CDH10: variants seen among roughly 807,000 people sequenced by gnomAD.
The protein encoded by CDH10 is cadherin 10.
A neutral mutation model predicts 73.1 loss-of-function variants in CDH10; 30 were observed. That is an observed-to-expected ratio of 0.41 (90% CI 0.31 to 0.56). The LOEUF (loss-of-function observed/expected upper bound fraction) is 0.56. CDH10 is among the 20% of genes least tolerant of loss of function. The pLI is 0.27. For synonymous variants in CDH10, 345 were observed against 348.2 expected (o/e 0.99, Z 0.10); for missense variants, 815 against 973.7 (o/e 0.84, Z 2.17).
At chr5:24,493,963 C>T (rs184433802) in intron 9 of CDH10, among the ~76,000 whole-genome samples, 271 of 151,930 alleles carry the variant, frequency 1.8e-3, no homozygotes, top group African/African-American at 6.0e-3. Context: ...TATTAGATTA[C>T]TTTTCTTTTA....
In CDH10 at chr5:24,593,308, A is replaced by G. The variant is rs767148939; in HGVS notation, c.183T>C (p.Phe61=). 1 of 1,612,590 alleles carries G rather than the reference A, an allele frequency of 6.2e-7. No individual in the cohort carries two copies. The highest frequency in any genetic ancestry group is 1.7e-5 in the Admixed American group (1 of 59,972). Residue 61 remains phenylalanine (F), a synonymous_variant, in exon 2 of 12, where the codon TTT becomes TTC. Transcript: ENST00000264463. ...ATCCTGTATATTCTTCAAGTAAGAA[A>G]AATTGATTCCACATCCAACCACGTT... The part of the protein sequence containing the change: ...RQKRGWMWNQ[F]FLLEEYTGSD...
intron 5 of CDH10, among the ~76,000 whole-genome samples, chr5:24,521,626 A>G (rs551407614): frequency 6.6e-6 from 1 of 152,304 alleles, no homozygotes; most frequent in East Asian, 1.9e-4. Flanking sequence ...AAAAAGAAAA[A>G]AAAATTAAAA....
chr5:24,619,254 C>T (rs756235047), intron 1 of CDH10, among the ~76,000 whole-genome samples: 7 of 151,854 alleles, frequency 4.6e-5, no homozygotes, highest in Admixed American at 1.3e-4. Context: ...AGTGCAGTGG[C>T]GCAATCTCGG....
chr5:24,530,312 T>G (rs1354515585), intron 5 of CDH10, among the ~76,000 whole-genome samples: 2 of 152,036 alleles, frequency 1.3e-5, no homozygotes, highest in Non-Finnish European at 2.9e-5. Context: ...GGATACTTTT[T>G]GTAAAACCTT....
intron 2 of CDH10, among the ~76,000 whole-genome samples, chr5:24,552,289 T>C (rs1018539247): frequency 6.6e-6 from 1 of 152,082 alleles, no homozygotes; most frequent in Non-Finnish European, 1.5e-5. Flanking sequence ...ATTCTTTTTA[T>C]GGGAATAATC....
chr5:24,535,879 A>T, intron 3 of CDH10, 57 bp from the exon 4 acceptor site: 2 of 1,360,388 alleles, frequency 1.5e-6, no homozygotes, highest in Non-Finnish European at 2.0e-6. Context: ...GAGCAAAAGC[A>T]CTGGTTTTCA....
intron 2 of CDH10, among the ~76,000 whole-genome samples, chr5:24,557,195 GT>G (rs201105617): frequency 5.0e-5 from 3 of 60,128 alleles, no homozygotes; most frequent in African/African-American, 1.3e-4. Flanking sequence ...ATTAACATCA[GT>G]TTTTTTTAAT....
At chr5:24,494,616 A>T (rs994249694) in intron 9 of CDH10, among the ~76,000 whole-genome samples, 1 of 152,044 alleles carries the variant, frequency 6.6e-6, no homozygotes, top group African/African-American at 2.4e-5. Context: ...ATAAATTTAC[A>T]AAGTATAATT....
At chr5:24,495,906 C>G (rs899958007) in intron 9 of CDH10, among the ~76,000 whole-genome samples, 1 of 151,298 alleles carries the variant, frequency 6.6e-6, no homozygotes, top group African/African-American at 2.4e-5. Context: ...ACCCTTGAAC[C>G]CTTTTCAGTT....
Position 24,584,445 on chromosome 5 carries a change from C to CTTTTTTTTTTTTTTTTTTTTTTTTTTTT in CDH10, c.231+8814_231+8815insAAAAAAAAAAAAAAAAAAAAAAAAAAAA, listed in dbSNP as rs34192671. On this transcript the variant is annotated intron_variant, in intron 2 of 11. Coordinates refer to ENST00000264463, the MANE Select transcript of CDH10 (RefSeq NM_006727.5). Reference sequence around the variant, plus strand: ...GTTCACGTTCACATCCTTTCTTTTCCTTTTTTTTTTTTTTTTTTTTGTGTG... The same window carrying CTTTTTTTTTTTTTTTTTTTTTTTTTTTT: ...GTTCACGTTCACATCCTTTCTTTTCCTTTTTTTTTTTTTTTTTTTTTTTTTTTTTTTTTTTTTTTTTTTTTTTTGTGTG... 7.1e-5 allele frequency among the ~76,000 whole-genome samples: 2 copies of CTTTTTTTTTTTTTTTTTTTTTTTTTTTT among 28,080 alleles called. 1 individual carries two copies. 18.4% of individuals were successfully genotyped at this position (28,080 alleles called of 152,430 possible). A position where few individuals can be genotyped will look rare whatever the true frequency, so the allele number is the denominator to read the frequency against.
chr5:24,613,752 G>A (rs1043737607), intron 1 of CDH10, among the ~76,000 whole-genome samples: 1 of 151,984 alleles, frequency 6.6e-6, no homozygotes, highest in Non-Finnish European at 1.5e-5. Context: ...TCTGTGGTAC[G>A]GATAAAATAT....
intron 11 of CDH10, 56 bp from the exon 12 acceptor site, chr5:24,488,209 G>A (rs2111614601): frequency 7.2e-7 from 1 of 1,381,032 alleles, no homozygotes; most frequent in African/African-American, 1.5e-5. Flanking sequence ...TATAAATAAC[G>A]AGTGGAAATA....
chr5:24,626,571 T>C (rs1747507207), intron 1 of CDH10, among the ~76,000 whole-genome samples: 1 of 152,060 alleles, frequency 6.6e-6, no homozygotes, highest in Non-Finnish European at 1.5e-5. Context: ...AACACTATTT[T>C]ATATCATAAC....
At chr5:24,605,354 T>C (rs1346316255) in intron 1 of CDH10, among the ~76,000 whole-genome samples, 1 of 152,144 alleles carries the variant, frequency 6.6e-6, no homozygotes, top group Non-Finnish European at 1.5e-5. Flanking sequence ...CAATCAGCAG[T>C]AGAGGGAGGG....
chr5:24,520,273 T>A (rs760953349), intron 5 of CDH10, among the ~76,000 whole-genome samples: 6 of 152,018 alleles, frequency 3.9e-5, no homozygotes, highest in African/African-American at 7.3e-5. Flanking sequence ...TAATCACACA[T>A]CTCAATGTAA....
intron 2 of CDH10, among the ~76,000 whole-genome samples, chr5:24,543,870 T>G (rs763945105): frequency 6.6e-6 from 1 of 152,102 alleles, no homozygotes; most frequent in Non-Finnish European, 1.5e-5. Context: ...AAATGGAGTA[T>G]GGGAAGATTA....
At chr5:24,609,530 G>C (rs1746874323) in intron 1 of CDH10, among the ~76,000 whole-genome samples, 1 of 152,186 alleles carries the variant, frequency 6.6e-6, no homozygotes, top group Non-Finnish European at 1.5e-5. Context: ...AGGAGATTAT[G>C]ACAGGACACT....
chr5:24,564,644 C>A (rs1745101791), intron 2 of CDH10, among the ~76,000 whole-genome samples: 1 of 152,162 alleles, frequency 6.6e-6, no homozygotes, highest in South Asian at 2.1e-4. Context: ...AACATGAATT[C>A]ACATCAGTAT....
rs1001227038 is a variant in CDH10, at chr5:24,586,843, C to CTTTTTTTTTTTTTTTTTTTTTTTTTTTTT, written c.231+6416_231+6417insAAAAAAAAAAAAAAAAAAAAAAAAAAAAA. ...GTAAAACAATAAGATAGCCCATATT[C>CTTTTTTTTTTTTTTTTTTTTTTTTTTTTT]TTTTTTTTTTTTTTTTTTTGAGCCG... On this transcript the variant is annotated intron_variant, in intron 2 of 11. Transcript: ENST00000264463. Among the ~76,000 whole-genome samples the CTTTTTTTTTTTTTTTTTTTTTTTTTTTTT allele has an allele frequency of 3.4e-4, 35 of 102,756 alleles. 5 individuals are homozygous for CTTTTTTTTTTTTTTTTTTTTTTTTTTTTT. The highest frequency in any genetic ancestry group is 1.1e-3 in the East Asian group (4 of 3,516). The allele number at this position is 102,756 out of a possible 152,430, so 67.4% of individuals were successfully genotyped here.
Sources: allele counts gnomAD v4.1 joint callset (sites outside exome capture counted in the v4.1 genomes callset), GRCh38; gene constraint gnomAD v4.1.1; transcripts MANE v1.5; gene names NCBI Gene and HGNC (gene_info 2026-07-23, HGNC 2026-07-21).